The following ROBO2 variants were observed in gnomAD, a reference collection of about 807,000 sequenced individuals.
ROBO2 encodes the protein roundabout guidance receptor 2.
A neutral mutation model predicts 160.8 loss-of-function variants in ROBO2; 53 were observed. The observed-to-expected ratio is 0.33, with a 90% CI of 0.26 to 0.41. ROBO2 has a LOEUF of 0.41. Among genes scored for constraint, ROBO2 ranks in the 10% least tolerant of loss-of-function variants. ROBO2 has a pLI of 1.00. For synonymous variants in ROBO2, 664 were observed against 611.7 expected (o/e 1.09, Z -1.26); for missense variants, 1,577 against 1,722.4 (o/e 0.92, Z 1.49).
chr3:76,489,071 TGA>T (rs1218062165), intron 2 of ROBO2, among the ~76,000 whole-genome samples: 2 of 114,704 alleles, frequency 1.7e-5, no homozygotes, highest in African/African-American at 6.5e-5. Flanking sequence ...GGTGACAGAG[TGA>T]GACTCTGTCT....
At chr3:76,872,980 G>A (rs772723753) in intron 2 of ROBO2, among the ~76,000 whole-genome samples, 6 of 152,018 alleles carry the variant, frequency 3.9e-5, no homozygotes, top group African/African-American at 9.7e-5. Context: ...TAAAAGTGGC[G>A]TTCTGTTCAA....
At chr3:77,289,081 A>G (rs1364421391) in intron 2 of ROBO2, among the ~76,000 whole-genome samples, 1 of 152,190 alleles carries the variant, frequency 6.6e-6, no homozygotes, top group Non-Finnish European at 1.5e-5. Flanking sequence ...TAACAAAATC[A>G]TATACAGGCA....
At chr3:76,299,427 ATGT>A (rs1209808077) in intron 2 of ROBO2, among the ~76,000 whole-genome samples, 2 of 152,182 alleles carry the variant, frequency 1.3e-5, no homozygotes, top group Non-Finnish European at 2.9e-5. Flanking sequence ...GGTTTTTAGA[ATGT>A]TAAGGAAGCC....
chr3:77,056,035 C>T (rs1325056093), intron 1 of ROBO2, among the ~76,000 whole-genome samples: 1 of 152,156 alleles, frequency 6.6e-6, no homozygotes, highest in Non-Finnish European at 1.5e-5. Flanking sequence ...ATTTATCTCA[C>T]ACAAAGAGAA....
chr3:77,181,710 A>G (rs1221529723), intron 2 of ROBO2, among the ~76,000 whole-genome samples: 5 of 152,060 alleles, frequency 3.3e-5, no homozygotes, highest in African/African-American at 1.2e-4. Flanking sequence ...GATGCTCAAT[A>G]TTCTTGCTTT....
In ROBO2 at chr3:76,965,521, C is replaced by A. The variant is rs2080001052; in HGVS notation, c.110-132493C>A. On this transcript the variant is annotated intron_variant, in intron 2 of 26. Coordinates refer to the ROBO2 transcript ENST00000487694. ...CCCTACTGAAGGGAAATTGCGTGTA[C>A]CTATGCTTGTGCCAGACCAAAGATT... Among the ~76,000 whole-genome samples, 3 of 152,198 alleles carry A rather than the reference C, an allele frequency of 2.0e-5. No individual in the cohort carries two copies. In the South Asian group the frequency reaches 6.2e-4, roughly 32 times the overall value.
chr3:77,294,565 A>G (rs536709731), intron 2 of ROBO2, among the ~76,000 whole-genome samples: 2 of 147,738 alleles, frequency 1.4e-5, no homozygotes, highest in Admixed American at 1.3e-4. Flanking sequence ...ATAAAGTAAA[A>G]TTGACGGTTA....
intron 1 of ROBO2, among the ~76,000 whole-genome samples, chr3:75,922,904 T>A (rs1947128497): frequency 6.6e-6 from 1 of 152,192 alleles, no homozygotes; most frequent in Non-Finnish European, 1.5e-5. Context: ...GACAAATGCA[T>A]GTTCATACCT....
chr3:76,597,270 C>A (rs1041423741), intron 2 of ROBO2, among the ~76,000 whole-genome samples: 6 of 151,674 alleles, frequency 4.0e-5, no homozygotes, highest in African/African-American at 9.7e-5. Flanking sequence ...TGGACCACAT[C>A]AAAATTTAAA....
chr3:77,507,643 A>T (rs2088755134), intron 5 of ROBO2, among the ~76,000 whole-genome samples: 1 of 152,166 alleles, frequency 6.6e-6, no homozygotes, highest in Non-Finnish European at 1.5e-5. Flanking sequence ...ACTTTTCCAA[A>T]TCTAATAATG....
intron 2 of ROBO2, among the ~76,000 whole-genome samples, chr3:76,800,958 T>G (rs2064151003): frequency 6.6e-6 from 1 of 152,226 alleles, no homozygotes; most frequent in Non-Finnish European, 1.5e-5. Context: ...CCCATATTTA[T>G]TGTAGCACTA....
Position 76,679,555 on chromosome 3 carries a change from T to A in ROBO2, c.110-418459T>A, listed in dbSNP as rs76279931. Among the ~76,000 whole-genome samples, 409 of 152,288 alleles carry A rather than the reference T, an allele frequency of 2.7e-3. 2 individuals are homozygous for A. The highest frequency in any genetic ancestry group is 9.4e-3 in the African/African-American group (391 of 41,586). On this transcript the variant is annotated intron_variant, in intron 2 of 26. Transcript: ENST00000487694. ...AATTCAGCGCTAAAATCTGTAAACC[T>A]AAACTTGGAACCTAAATTTGGAAGA... is the stretch of plus-strand genomic sequence containing the variant.
At chr3:76,389,499 T>A (rs188822805) in intron 2 of ROBO2, among the ~76,000 whole-genome samples, 13 of 152,362 alleles carry the variant, frequency 8.5e-5, no homozygotes, top group Admixed American at 3.3e-4. Flanking sequence ...GATACCATCT[T>A]GAACTATGAT....
At chr3:77,189,461 G>T (rs1203842368) in intron 2 of ROBO2, among the ~76,000 whole-genome samples, 1 of 151,764 alleles carries the variant, frequency 6.6e-6, no homozygotes, top group African/African-American at 2.4e-5. Context: ...GTTATCAGGG[G>T]TATGGGAACA....
intron 2 of ROBO2, among the ~76,000 whole-genome samples, chr3:77,108,779 C>A (rs1054014583): frequency 2.6e-5 from 4 of 152,034 alleles, no homozygotes; most frequent in African/African-American, 9.7e-5. Context: ...AGATTTCGAG[C>A]ACAAATAATG....
At chr3:76,326,619 A>G (rs773244897) in intron 2 of ROBO2, among the ~76,000 whole-genome samples, 2 of 151,968 alleles carry the variant, frequency 1.3e-5, no homozygotes, top group Non-Finnish European at 2.9e-5. Context: ...TTATTTATTT[A>G]TTTATTTTTA....
chr3:76,327,360 C>T lies in ROBO2; in HGVS notation c.109+389758C>T, dbSNP rs191732968. Reference sequence around the variant, plus strand: ...TGCATGGCTTATATGTTATGAATTTCCTTTCAATTTAATACTTGATATACA... The same window carrying T: ...TGCATGGCTTATATGTTATGAATTTTCTTTCAATTTAATACTTGATATACA... On this transcript the variant is annotated intron_variant, in intron 2 of 26. Coordinates refer to the ROBO2 transcript ENST00000487694. Among the ~76,000 whole-genome samples, 510 of 152,020 alleles carry T rather than the reference C, an allele frequency of 3.4e-3. 6 individuals are homozygous for T. The highest frequency in any genetic ancestry group is 0.024 in the Admixed American group (372 of 15,276).
At chr3:77,142,029 G>A (rs146200707) in intron 2 of ROBO2, among the ~76,000 whole-genome samples, 37 of 152,216 alleles carry the variant, frequency 2.4e-4, no homozygotes, top group African/African-American at 7.5e-4. Flanking sequence ...CTTATACGTT[G>A]AACAGTCAGT....
rs368735749 is a variant in ROBO2 at position 76,026,181 on chromosome 3, G to A, written c.109+88579G>A. ...CTCAAGATATAGATTTGACGTAATG[G>A]TGATAATCTCAAACATTAATTTGTT... On this transcript the variant is annotated intron_variant, in intron 2 of 26. Coordinates refer to the ROBO2 transcript ENST00000487694. Among the ~76,000 whole-genome samples, 130 of 151,924 alleles carry A rather than the reference G, an allele frequency of 8.6e-4. 2 individuals carry two copies. The highest frequency in any genetic ancestry group is 7.7e-3 in the South Asian group (37 of 4,824).
Sources: gnomAD v4.1 joint callset for allele counts (sites outside exome capture counted in the v4.1 genomes callset) on GRCh38, gnomAD v4.1.1 for gene constraint, MANE v1.5 for transcripts, NCBI Gene and HGNC (gene_info 2026-07-23, HGNC 2026-07-21) for gene names.